The following ADGRV1 variants were observed in gnomAD, a reference collection of about 807,000 sequenced individuals.
ADGRV1 encodes the protein adhesion G protein-coupled receptor V1.
Under a neutral mutation model 596.2 loss-of-function variants are expected in ADGRV1, and 359 were observed. The ratio of observed to expected loss-of-function variants is 0.60; its 90% confidence interval spans 0.55 to 0.66. ADGRV1 has a LOEUF of 0.66. Among genes scored for constraint, ADGRV1 ranks in the 30% least tolerant of loss-of-function variants. The pLI, the probability that ADGRV1 is intolerant of heterozygous loss-of-function variation, is 0.00. For synonymous variants in ADGRV1, 2,681 were observed against 2,679.2 expected (o/e 1.00, Z -0.02); for missense variants, 7,274 against 7,575.6 (o/e 0.96, Z 1.48).
At position 90,703,673 on chromosome 5, in the gene ADGRV1, T is replaced by G; in HGVS notation, c.8164T>G (p.Leu2722Val). The G allele has an allele frequency of 6.3e-7, 1 of 1,598,106 alleles. No homozygotes were observed. The highest frequency in any genetic ancestry group is 8.5e-7 in the Non-Finnish European group (1 of 1,170,050). Residue 2722 changes from leucine (L) to valine (V), a missense_variant, in exon 35 of 90, where the codon TTA becomes GTA. Leu to Val is a conservative substitution (Grantham distance 32). Transcript: ENST00000405460. ...RSVIGHEGEI[L>V]QFHVIRTFPG... ...ACACATTTTACTTGCAGGAGAAATTTTACAATTCCATGTGATAAGAACTTT... is the reference window on the plus strand; with the variant it reads ...ACACATTTTACTTGCAGGAGAAATTGTACAATTCCATGTGATAAGAACTTT...
chr5:91,084,945 T>A (rs1336480864), intron 86 of ADGRV1, among the ~76,000 whole-genome samples: 1 of 152,166 alleles, frequency 6.6e-6, no homozygotes, highest in Non-Finnish European at 1.5e-5. Context: ...TGGATGAAGC[T>A]GGAAACCATC....
At chr5:90,747,182 G>T (rs563909361) in intron 52 of ADGRV1, among the ~76,000 whole-genome samples, 1 of 152,210 alleles carries the variant, frequency 6.6e-6, no homozygotes, top group Admixed American at 6.5e-5. Context: ...TGTAATATCT[G>T]GGGTAGGAAC....
chr5:90,920,800 A>T (rs1773808866), intron 83 of ADGRV1, among the ~76,000 whole-genome samples: 1 of 152,160 alleles, frequency 6.6e-6, no homozygotes, highest in Non-Finnish European at 1.5e-5. Flanking sequence ...TAAAAATCTA[A>T]CTCAGTTCCC....
At chr5:90,654,123 C>A in intron 20 of ADGRV1, 171 bp downstream of exon 20, 1 of 720,988 alleles carries the variant, frequency 1.4e-6, no homozygotes, top group Non-Finnish European at 2.3e-6. Context: ...GAAATTCTGT[C>A]CTGAGTGTTA....
At chr5:90,618,401 C>T (rs1268268647) in intron 3 of ADGRV1, among the ~76,000 whole-genome samples, 1 of 152,114 alleles carries the variant, frequency 6.6e-6, no homozygotes, top group Non-Finnish European at 1.5e-5. Flanking sequence ...TTTAATTGAA[C>T]TTTATGGCTT....
In ADGRV1 at chr5:90,755,094, C is replaced by A; in HGVS notation, c.11489C>A (p.Ala3830Asp). The A allele has an allele frequency of 6.2e-7, 1 of 1,608,788 alleles. No individual in the cohort carries two copies. The highest frequency in any genetic ancestry group is 1.1e-5 in the South Asian group (1 of 90,940). Residue 3830 changes from alanine (A) to aspartate (D), a missense_variant, in exon 55 of 90, where the codon GCT (alanine) becomes GAT (aspartate). By Grantham distance (126) the Ala-to-Asp change is moderately radical. Coordinates refer to ENST00000405460, the MANE Select transcript of ADGRV1 (RefSeq NM_032119.4). ...TTCTTACTGCATGTCGATAATCAAG[C>A]TACTGAGAATGAAGATTATGTATTG... ...PNFLLHVDNQ[A>D]TENEDYVLQE...
At chr5:90,705,360 A>G in intron 36 of ADGRV1, 40 bp from the exon 37 acceptor site, 4 of 1,575,400 alleles carry the variant, frequency 2.5e-6, no homozygotes, top group Non-Finnish European at 3.5e-6. Flanking sequence ...ATTAAAAGCT[A>G]ATGCCAAATC....
chr5:91,162,671 A>G (rs1797055407), intron 89 of ADGRV1, among the ~76,000 whole-genome samples: 2 of 152,240 alleles, frequency 1.3e-5, no homozygotes, highest in African/African-American at 4.8e-5. Context: ...TGGAGTTTCA[A>G]CAGCGGCCTT....
At chr5:90,974,683 T>A (rs966182499) in intron 84 of ADGRV1, among the ~76,000 whole-genome samples, 1 of 152,154 alleles carries the variant, frequency 6.6e-6, no homozygotes, top group Non-Finnish European at 1.5e-5. Context: ...TCCTTACACC[T>A]TATACAAAAA....
chr5:90,800,015 T>A (rs1761183875), intron 70 of ADGRV1, among the ~76,000 whole-genome samples: 1 of 152,206 alleles, frequency 6.6e-6, no homozygotes, highest in African/African-American at 2.4e-5. Flanking sequence ...GACATAGGTA[T>A]GGGCAAAGAC....
chr5:91,020,554 G>A (rs1407424520), intron 85 of ADGRV1, among the ~76,000 whole-genome samples: 1 of 151,998 alleles, frequency 6.6e-6, no homozygotes, highest in East Asian at 1.9e-4. Context: ...TCAGGTCTTT[G>A]ACTCTGGACT....
In ADGRV1 at chr5:90,658,222, C is replaced by A. The variant is rs1251951318; in HGVS notation, c.4696C>A (p.Gln1566Lys). 1.9e-6 allele frequency: 3 copies of A among 1,546,716 alleles called. No homozygotes were observed. Among genetic ancestry groups the A allele is most frequent in the South Asian group, 2.6e-5 (2 of 77,018 alleles). ...AAATACTACTGCAAGATTAACAATA[C>A]AAAAAAGTGACAATGCAAATGGCTT... The part of the protein sequence containing the change: ...EENTTARLTI[Q>K]KSDNANGLFG... The change falls in exon 21 of 90, where the codon CAA becomes AAA. Residue 1566 changes from glutamine to lysine, a missense_variant. Coordinates refer to ENST00000405460, the MANE Select transcript of ADGRV1 (RefSeq NM_032119.4).
intron 1 of ADGRV1, among the ~76,000 whole-genome samples, chr5:90,583,832 G>A (rs1266704962): frequency 8.2e-6 from 1 of 121,622 alleles, no homozygotes; most frequent in African/African-American, 2.8e-5. Flanking sequence ...GGATTATAGA[G>A]AGAAGAGAGT....
At chr5:90,866,920 A>G (rs1464517586) in intron 83 of ADGRV1, among the ~76,000 whole-genome samples, 1 of 152,176 alleles carries the variant, frequency 6.6e-6, no homozygotes, top group African/African-American at 2.4e-5. Context: ...CACTTATATA[A>G]ATGAAAATGA....
chr5:91,022,588 T>C (rs969007343), intron 85 of ADGRV1, among the ~76,000 whole-genome samples: 5 of 152,112 alleles, frequency 3.3e-5, no homozygotes, highest in African/African-American at 4.8e-5. Flanking sequence ...TGTAGTCTTA[T>C]TTATGTAACT....
At chr5:91,031,373 A>G (rs1784469009) in intron 85 of ADGRV1, 4 of 1,130,412 alleles carry the variant, frequency 3.5e-6, no homozygotes. Flanking sequence ...ACGGAAGTTC[A>G]TCATTCTGCA....
intron 86 of ADGRV1, among the ~76,000 whole-genome samples, chr5:91,089,844 A>G (rs964154912): frequency 6.6e-6 from 1 of 152,202 alleles, no homozygotes; most frequent in African/African-American, 2.4e-5. Flanking sequence ...TTAAAGATGC[A>G]TTGTACATTT....
chr5:90,679,086 TGGG>T (rs1221159969), intron 25 of ADGRV1, among the ~76,000 whole-genome samples: 8 of 152,104 alleles, frequency 5.3e-5, no homozygotes, highest in Admixed American at 1.3e-4. Flanking sequence ...ATAAATGTGG[TGGG>T]GATTTGAATG....
chr5:90,912,861 A>G (rs1773015939), intron 83 of ADGRV1, among the ~76,000 whole-genome samples: 1 of 152,118 alleles, frequency 6.6e-6, no homozygotes, highest in Non-Finnish European at 1.5e-5. Flanking sequence ...GCTATTGTAA[A>G]TAGTCCAGCA....
Sources: gnomAD v4.1 joint callset for allele counts (sites outside exome capture counted in the v4.1 genomes callset) on GRCh38, gnomAD v4.1.1 for gene constraint, MANE v1.5 for transcripts, NCBI Gene and HGNC (gene_info 2026-07-23, HGNC 2026-07-21) for gene names.